The following SLC25A24 variants were observed in gnomAD, a reference collection of about 807,000 sequenced individuals.
SLC25A24 encodes mitochondrial adenyl nucleotide antiporter SLC25A24.
Under a neutral mutation model 60.7 loss-of-function variants are expected in SLC25A24, and 49 were observed. The ratio of observed to expected loss-of-function variants is 0.81; its 90% CI spans 0.64 to 1.02. The LOEUF is 1.02. Among genes scored for constraint, SLC25A24 ranks in the 50% least tolerant of loss-of-function variants. SLC25A24 has a pLI of 0.00. For synonymous variants in SLC25A24, 202 were observed against 200.6 expected (o/e 1.01, Z -0.06); for missense variants, 564 against 586.3 (o/e 0.96, Z 0.39).
Position 108,136,857 on chromosome 1 carries a change from G to C in SLC25A24, c.1250-20C>G. 2 of 1,601,630 alleles carry C rather than the reference G, an allele frequency of 1.2e-6. No homozygotes were observed. Among genetic ancestry groups the C allele is most frequent in the Non-Finnish European group, 1.7e-6 (2 of 1,170,722 alleles). ...ACATGGCTAAAAAATAAAAAAAGAG[G>C]GTAATTTAATATTCAAGTATGTTTC... On this transcript the variant is annotated intron_variant, in intron 9 of 9. Coordinates refer to ENST00000565488, the MANE Select transcript of SLC25A24 (RefSeq NM_013386.5).
At chr1:108,180,703 C>T (rs1647896781) in intron 3 of SLC25A24, among the ~76,000 whole-genome samples, 1 of 149,928 alleles carries the variant, frequency 6.7e-6, no homozygotes. Context: ...GGTCTATCTG[C>T]AAGCCAGAAA....
At chr1:108,150,488 T>C (rs1338645500) in intron 6 of SLC25A24, among the ~76,000 whole-genome samples, 1 of 152,188 alleles carries the variant, frequency 6.6e-6, no homozygotes, top group African/African-American at 2.4e-5. Flanking sequence ...TTCTCTCCCA[T>C]TTGTTAGACT....
At chr1:108,183,767 C>T (rs597999) in intron 2 of SLC25A24, among the ~76,000 whole-genome samples, 132,343 of 152,204 alleles carry the variant, frequency 0.87, 57,795 homozygotes, top group African/African-American at 0.95. Context: ...TGGCACAAAA[C>T]AGACCTTGAA....
At chr1:108,141,115 G>A (rs927400765) in intron 8 of SLC25A24, among the ~76,000 whole-genome samples, 7 of 152,006 alleles carry the variant, frequency 4.6e-5, no homozygotes, top group Non-Finnish European at 8.8e-5. Context: ...CATAAAAACG[G>A]GAACCCAAAG....
intron 3 of SLC25A24, among the ~76,000 whole-genome samples, chr1:108,178,363 T>C (rs1375251424): frequency 6.6e-6 from 1 of 152,090 alleles, no homozygotes. Flanking sequence ...AGATCAGACA[T>C]AAAACATTTC....
In SLC25A24 at chr1:108,179,717, G is replaced by A. The variant is rs577435837; in HGVS notation, c.398+2224C>T. 2.0e-5 allele frequency among the ~76,000 whole-genome samples: 3 copies of A among 152,262 alleles called. No homozygotes were observed. The East Asian group carries it at 5.8e-4, about 29-fold the overall frequency. The stretch of plus-strand genomic sequence containing the variant: ...ATAGAAGCAGAGAGCAGAATACTTT[G>A]GGAGTCGGGTATGGTTTGTGTTAAA... On this transcript the variant is annotated intron_variant, in intron 3 of 9. Transcript: ENST00000565488.
Position 108,139,923 on chromosome 1 carries a change from T to A in SLC25A24, c.1099-715A>T, listed in dbSNP as rs74402852. Among the ~76,000 whole-genome samples, 207 of 152,242 alleles carry A rather than the reference T, an allele frequency of 1.4e-3. 1 individual carries two copies. The highest frequency in any genetic ancestry group is 4.8e-3 in the African/African-American group (198 of 41,548). ...CACCACACCAGGCCCAGAGTTTTTT[T>A]AAGAAGGACTCAGAACCAGGCGTGC... On this transcript the variant is annotated intron_variant, in intron 8 of 9. Transcript: ENST00000565488.
intron 7 of SLC25A24, 118 bp from the exon 8 acceptor site, chr1:108,143,828 T>C: frequency 1.3e-6 from 1 of 780,220 alleles, no homozygotes; most frequent in Non-Finnish European, 2.0e-6. Context: ...CAAAAGACTG[T>C]ACAATTTGTT....
intron 6 of SLC25A24, among the ~76,000 whole-genome samples, chr1:108,152,752 A>G (rs1415242144): frequency 6.6e-6 from 1 of 152,194 alleles, no homozygotes; most frequent in Non-Finnish European, 1.5e-5. Context: ...GCACTGGGCA[A>G]GGTGCTAAGA....
intron 9 of SLC25A24, among the ~76,000 whole-genome samples, chr1:108,138,100 T>C (rs773838070): frequency 3.3e-5 from 5 of 152,364 alleles, no homozygotes; most frequent in East Asian, 1.9e-4. Context: ...AGTTAGGTTA[T>C]AGCTCCTTGC....
intron 3 of SLC25A24, among the ~76,000 whole-genome samples, chr1:108,180,658 C>CTCTCTCTCTG (rs1558024013): frequency 4.7e-4 from 49 of 105,038 alleles, no homozygotes; most frequent in African/African-American, 1.5e-3. Context: ...CTCTCTCTCT[C>CTCTCTCTCTG]TCTCTCTCTG....
At chr1:108,148,752 T>C (rs868311049) in intron 6 of SLC25A24, among the ~76,000 whole-genome samples, 2 of 152,194 alleles carry the variant, frequency 1.3e-5, no homozygotes, top group Non-Finnish European at 2.9e-5. Flanking sequence ...AAATTTCCGT[T>C]GTTGATTCCA....
chr1:108,172,479 A>T (rs1442619028), intron 3 of SLC25A24, among the ~76,000 whole-genome samples: 1 of 152,214 alleles, frequency 6.6e-6, no homozygotes, highest in Non-Finnish European at 1.5e-5. Context: ...TGAAGAAAAA[A>T]GGTGAGCAAG....
intron 8 of SLC25A24, among the ~76,000 whole-genome samples, chr1:108,139,752 C>T (rs915687893): frequency 1.3e-5 from 2 of 152,052 alleles, no homozygotes; most frequent in African/African-American, 4.8e-5. Flanking sequence ...GCTTGGATTA[C>T]AGGCACCCAC....
At chr1:108,155,793 T>G (rs1015761688) in intron 5 of SLC25A24, among the ~76,000 whole-genome samples, 1 of 152,200 alleles carries the variant, frequency 6.6e-6, no homozygotes, top group East Asian at 1.9e-4. Context: ...GATAAATTAC[T>G]TGGCTTATAC....
At chr1:108,142,075 C>T (rs1679455594) in intron 8 of SLC25A24, among the ~76,000 whole-genome samples, 1 of 152,144 alleles carries the variant, frequency 6.6e-6, no homozygotes, top group Non-Finnish European at 1.5e-5. Context: ...TACCACCTCA[C>T]ACCTAAGAGG....
intron 3 of SLC25A24, among the ~76,000 whole-genome samples, chr1:108,180,552 A>G (rs916705689): frequency 1.3e-5 from 2 of 151,396 alleles, no homozygotes; most frequent in African/African-American, 2.4e-5. Context: ...AAGTCAAATA[A>G]AGTCATAAGA....
intron 3 of SLC25A24, among the ~76,000 whole-genome samples, chr1:108,175,246 A>C (rs1647629889): frequency 6.6e-6 from 1 of 152,208 alleles, no homozygotes; most frequent in African/African-American, 2.4e-5. Context: ...GGCTACCCTC[A>C]TTCTGATGTT....
At chr1:108,154,787 GA>G (rs1227929525) in intron 6 of SLC25A24, among the ~76,000 whole-genome samples, 195 bp downstream of exon 6, 1 of 151,990 alleles carries the variant, frequency 6.6e-6, no homozygotes, top group Non-Finnish European at 1.5e-5. Flanking sequence ...GATGAATTAA[GA>G]ATCCCATAAC....
Sources: gnomAD v4.1 joint callset for allele counts (sites outside exome capture counted in the v4.1 genomes callset) on GRCh38, gnomAD v4.1.1 for gene constraint, MANE v1.5 for transcripts, NCBI Gene and HGNC (gene_info 2026-07-23, HGNC 2026-07-21) for gene names.